The following CCDC66 variants were observed in gnomAD, a reference collection of about 807,000 sequenced individuals.
CCDC66 encodes the protein coiled-coil domain-containing protein 66.
In CCDC66, 133 loss-of-function variants were observed where a neutral mutation model predicts 128.3. That is an observed-to-expected ratio of 1.04 (90% CI 0.90 to 1.20). The LOEUF (loss-of-function observed/expected upper bound fraction) is 1.20. CCDC66 is among the 50% of genes most tolerant of loss of function. The pLI, the probability that CCDC66 is intolerant of heterozygous loss-of-function variation, is 0.00. For synonymous variants in CCDC66, 387 were observed against 357.0 expected, an observed-to-expected ratio of 1.08 and a Z score of -0.95; for missense variants, 1,126 against 1,075.5, an observed-to-expected ratio of 1.05 and a Z score of -0.66.
intron 12 of CCDC66, 105 bp downstream of exon 12, chr3:56,615,377 C>A: frequency 1.7e-6 from 2 of 1,151,492 alleles, no homozygotes; most frequent in Non-Finnish European, 2.4e-6. Context: ...GTTGCACAGG[C>A]TAGAGTGCAG....
chr3:56,620,946 A>C (rs2076422758), intron 17 of CCDC66: 1 of 152,314 alleles, frequency 6.6e-6, no homozygotes, highest in Non-Finnish European at 1.5e-5. Context: ...AGGTCAGGAG[A>C]TCAAGACCAT....
At chr3:56,610,931 C>T (rs1402867223) in intron 10 of CCDC66, among the ~76,000 whole-genome samples, 2 of 152,190 alleles carry the variant, frequency 1.3e-5, no homozygotes, top group Non-Finnish European at 2.9e-5. Context: ...GTCTGTGGCT[C>T]TCTCAGCCGT....
At chr3:56,561,805 A>G (rs746331800) in intron 3 of CCDC66, among the ~76,000 whole-genome samples, 2 of 152,094 alleles carry the variant, frequency 1.3e-5, no homozygotes, top group Non-Finnish European at 2.9e-5. Flanking sequence ...CAAGTTATTC[A>G]TGAATTATCT....
Position 56,618,232 on chromosome 3 carries a change from A to G in CCDC66, c.2378+20A>G, listed in dbSNP as rs1473867155. 5.0e-6 allele frequency: 8 copies of G among 1,605,992 alleles called. No individual in the cohort carries two copies. On this transcript the variant is annotated intron_variant, in intron 15 of 17. Coordinates refer to ENST00000394672, the MANE Select transcript of CCDC66 (RefSeq NM_001141947.3). ...GGAAAGGTAAGTATGCATCAGATTA[A>G]TTCCGCAGCTACTTAATGCTTTCTA...
chr3:56,593,224 C>T, intron 8 of CCDC66, 123 bp downstream of exon 8: 1 of 869,904 alleles, frequency 1.1e-6, no homozygotes, highest in South Asian at 1.9e-5. Flanking sequence ...CCACATTTGC[C>T]CATGTGAACC....
chr3:56,586,692 T>C (rs551995942), intron 7 of CCDC66, among the ~76,000 whole-genome samples: 66 of 151,958 alleles, frequency 4.3e-4, no homozygotes, highest in African/African-American at 1.5e-3. Context: ...AAAGCAGAGA[T>C]ATGAAAACTC....
chr3:56,594,576 G>A (rs971768485), intron 10 of CCDC66, among the ~76,000 whole-genome samples: 6 of 151,940 alleles, frequency 3.9e-5, no homozygotes, highest in South Asian at 2.1e-4. Flanking sequence ...CCAGCTACTC[G>A]GGAGGCTGAG....
rs757573237 is a variant in CCDC66 at position 56,619,452 on chromosome 3, G to A, written c.2560G>A (p.Glu854Lys). ...SHFIPYVRTN[E>K]IYYLDPDAPL... ...TTTTATTCCGTATGTTCGAACAAAT[G>A]AGATCTATTACCTTGATCCCGATGC... Residue 854 changes from glutamate to lysine, a missense_variant, in exon 16 of 18, where the codon GAG becomes AAG. Coordinates refer to ENST00000394672, the MANE Select transcript of CCDC66 (RefSeq NM_001141947.3). The A allele has an allele frequency of 2.5e-6, 4 of 1,613,972 alleles. No homozygotes were observed. The highest frequency in any genetic ancestry group is 2.2e-5 in the South Asian group (2 of 91,074).
chr3:56,621,754 G>T lies in CCDC66; in HGVS notation c.*136G>T. On this transcript the variant is annotated 3_prime_UTR_variant, in exon 18 of 18. Coordinates refer to ENST00000394672, the MANE Select transcript of CCDC66 (RefSeq NM_001141947.3). ...TGCTCATTAAAAACTTGTATACTAT[G>T]TAGTAAAATGCTGTACTTGTTCTAT... is the stretch of plus-strand genomic sequence containing the variant. 8.6e-6 allele frequency: 3 copies of T among 348,884 alleles called. No homozygotes were observed. The highest frequency in any genetic ancestry group is 2.2e-5 in the African/African-American group (1 of 44,626). 21.6% of individuals were successfully genotyped at this position (348,884 alleles called of 1,614,324 possible).
chr3:56,615,454 G>A (rs1389604104), intron 12 of CCDC66, 182 bp downstream of exon 12: 3 of 595,660 alleles, frequency 5.0e-6, no homozygotes, highest in Admixed American at 7.3e-5. Flanking sequence ...TTGTTGCCCA[G>A]GCTGGTCTTG....
intron 11 of CCDC66, 46 bp from the exon 12 acceptor site, chr3:56,615,081 CT>C: frequency 6.3e-7 from 1 of 1,586,640 alleles, no homozygotes; most frequent in South Asian, 1.1e-5. Flanking sequence ...ATAGTCAAGT[CT>C]TTGTATGTTT....
chr3:56,616,094 A>C (rs752754918), intron 13 of CCDC66, 41 bp downstream of exon 13: 2 of 1,531,494 alleles, frequency 1.3e-6, no homozygotes, highest in South Asian at 2.4e-5. Flanking sequence ...AAATTTACTT[A>C]AAGTCATAAT....
chr3:56,580,526 A>G (rs1260920547), intron 7 of CCDC66, among the ~76,000 whole-genome samples: 1 of 151,744 alleles, frequency 6.6e-6, no homozygotes, highest in Non-Finnish European at 1.5e-5. Context: ...ACAATTTGGC[A>G]TGTTTTTGCA....
At chr3:56,617,791 C>T in intron 14 of CCDC66, 186 bp downstream of exon 14, 1 of 647,340 alleles carries the variant, frequency 1.5e-6, no homozygotes, top group Non-Finnish European at 2.6e-6. Flanking sequence ...ACATAGTCAA[C>T]TCATTCTTTT....
At chr3:56,603,986 T>C (rs1447735114) in intron 10 of CCDC66, among the ~76,000 whole-genome samples, 3 of 152,120 alleles carry the variant, frequency 2.0e-5, no homozygotes, top group East Asian at 1.9e-4. Flanking sequence ...TGGGTACATA[T>C]ATATTTAGGA....
At chr3:56,594,510 G>A (rs551442228) in intron 10 of CCDC66, among the ~76,000 whole-genome samples, 16 of 151,920 alleles carry the variant, frequency 1.1e-4, no homozygotes, top group African/African-American at 2.7e-4. Context: ...GTGAAACCCC[G>A]TCTCTACTAA....
Position 56,593,641 on chromosome 3 carries a change from G to A in CCDC66, c.1219G>A (p.Val407Ile). 6.2e-7 allele frequency: 1 copy of A among 1,614,206 alleles called. No homozygotes were observed. Among genetic ancestry groups the A allele is most frequent in the Non-Finnish European group, 8.5e-7 (1 of 1,180,038 alleles). The change falls in exon 9 of 18, where the codon GTT (valine) becomes ATT (isoleucine). Residue 407 changes from valine to isoleucine, a missense_variant. By Grantham distance (29) the Val-to-Ile change is conservative. Coordinates refer to ENST00000394672, the MANE Select transcript of CCDC66 (RefSeq NM_001141947.3). ...TCAGGAGCTGGCTGATGTCAGCAGT[G>A]TTTGTACACCTACAACCGGAAGCCA... ...DTQELADVSS[V>I]CTPTTGSQVE...
Position 56,600,641 on chromosome 3 carries a change from T to C in CCDC66, c.1404+6613T>C, listed in dbSNP as rs2107120309. On this transcript the variant is annotated intron_variant, in intron 10 of 17. Coordinates refer to ENST00000394672, the MANE Select transcript of CCDC66 (RefSeq NM_001141947.3). Reference sequence around the variant, plus strand: ...ATTTCACCACATCCTCTCCAGCATCTGTTGTTTCCTGACTTTTTAATGATC... The same window carrying C: ...ATTTCACCACATCCTCTCCAGCATCCGTTGTTTCCTGACTTTTTAATGATC... 1.3e-5 allele frequency among the ~76,000 whole-genome samples: 2 copies of C among 152,132 alleles called. 1 individual carries two copies. The highest frequency in any genetic ancestry group is 4.8e-5 in the African/African-American group (2 of 41,396).
chr3:56,612,409 A>T (rs896069666), intron 10 of CCDC66, among the ~76,000 whole-genome samples: 1 of 152,224 alleles, frequency 6.6e-6, no homozygotes, highest in Admixed American at 6.5e-5. Flanking sequence ...GCAGGATGCT[A>T]GCAGTAGGCT....
Sources: allele counts gnomAD v4.1 joint callset (sites outside exome capture counted in the v4.1 genomes callset), GRCh38; gene constraint gnomAD v4.1.1; transcripts MANE v1.5; gene names NCBI Gene and HGNC (gene_info 2026-07-23, HGNC 2026-07-21).